Variants in PRKG1 observed in about 807,000 individuals in gnomAD.
PRKG1 encodes cGMP-dependent protein kinase 1.
Under a neutral mutation model 88.1 loss-of-function variants are expected in PRKG1, and 35 were observed. The ratio of observed to expected loss-of-function variants is 0.40; its 90% CI spans 0.30 to 0.53. The LOEUF is 0.53. Ranked by LOEUF, PRKG1 falls within the 20% of genes least tolerant of loss-of-function variation. PRKG1 has a pLI of 0.59. For missense variants in PRKG1, 540 were observed against 839.8 expected (o/e 0.64, Z 4.41); for synonymous variants, 303 against 292.5 (o/e 1.04, Z -0.37).
At chr10:52,061,118 C>G (rs1013171400) in intron 6 of PRKG1, among the ~76,000 whole-genome samples, 1 of 151,958 alleles carries the variant, frequency 6.6e-6, no homozygotes, top group Non-Finnish European at 1.5e-5. Flanking sequence ...AAATTAGTGT[C>G]TCTGTGATAC....
intron 1 of PRKG1, among the ~76,000 whole-genome samples, chr10:51,093,217 C>G (rs1844440391): frequency 6.6e-6 from 1 of 152,134 alleles, no homozygotes; most frequent in African/African-American, 2.4e-5. Context: ...TCTCCAAACT[C>G]TTTGAATCAG....
In PRKG1 at chr10:51,472,481, T is replaced by C. The variant is rs933208594; in HGVS notation, c.592+4645T>C. ...ATCTATATCTCATTCATCCACACTA[T>C]GCTTTTTATTGGTAAAGGAACAAAA... On this transcript the variant is annotated intron_variant, in intron 3 of 17. Transcript: ENST00000373980. 4.6e-5 allele frequency among the ~76,000 whole-genome samples: 7 copies of C among 152,072 alleles called. No homozygotes were observed. The East Asian group carries it at 1.2e-3, about 25-fold the overall frequency.
chr10:51,274,562 G>A (rs1314341465), intron 2 of PRKG1, among the ~76,000 whole-genome samples: 1 of 152,158 alleles, frequency 6.6e-6, no homozygotes, highest in Non-Finnish European at 1.5e-5. Flanking sequence ...ATAGAGTAAT[G>A]CTAGCTCCAA....
At chr10:51,077,330 T>TA (rs1321984938) in intron 1 of PRKG1, among the ~76,000 whole-genome samples, 1 of 152,208 alleles carries the variant, frequency 6.6e-6, no homozygotes, top group African/African-American at 2.4e-5. Context: ...ACATATAGAT[T>TA]ATTGTGAGTT....
rs190177308 is a variant in PRKG1, at chr10:51,171,553, A to G, written c.478+18223A>G. 1.6e-3 allele frequency among the ~76,000 whole-genome samples: 243 copies of G among 152,224 alleles called. 2 individuals carry two copies. The highest frequency in any genetic ancestry group is 2.9e-3 in the Non-Finnish European group (195 of 68,004). On this transcript the variant is annotated intron_variant, in intron 2 of 17. Transcript: ENST00000373980. Reference sequence around the variant, plus strand: ...TATTTATCCTATGGGAAGGGAAGAAAGATAAATGACAGGGCAGATAGCTTC... The same window carrying G: ...TATTTATCCTATGGGAAGGGAAGAAGGATAAATGACAGGGCAGATAGCTTC...
chr10:51,074,733 A>G lies in PRKG1; in HGVS notation c.143A>G (p.Lys48Arg). ...CAGAAGCTGCAGAACGAGCTGGACA[A>G]GTACCGCTCGGTGATCCGACCAGCC... The part of the protein sequence containing the change: ...LIQKLQNELD[K>R]YRSVIRPATQ... Residue 48 changes from lysine (K) to arginine (R), a missense_variant, in exon 1 of 18, where the codon AAG becomes AGG. Lys to Arg is a conservative substitution (Grantham distance 26). Transcript: ENST00000373980. 1 of 1,614,084 alleles carries G rather than the reference A, an allele frequency of 6.2e-7. No individual in the cohort carries two copies. The highest frequency in any genetic ancestry group is 1.1e-5 in the South Asian group (1 of 91,052).
At chr10:51,429,629 T>G (rs1398413936) in intron 2 of PRKG1, among the ~76,000 whole-genome samples, 1 of 152,032 alleles carries the variant, frequency 6.6e-6, no homozygotes, top group Non-Finnish European at 1.5e-5. Context: ...AATATCAATA[T>G]AGACATAAAT....
chr10:52,156,489 G>T (rs1056693938), intron 8 of PRKG1, among the ~76,000 whole-genome samples: 14 of 151,802 alleles, frequency 9.2e-5, no homozygotes, highest in Admixed American at 9.2e-4. Flanking sequence ...ACATATGTGT[G>T]AGTTTGGTTG....
chr10:51,465,756 C>A (rs1050737839), intron 2 of PRKG1, among the ~76,000 whole-genome samples: 1 of 152,114 alleles, frequency 6.6e-6, no homozygotes, highest in African/African-American at 2.4e-5. Context: ...ACCTCTATTA[C>A]CCTATATTGT....
intron 3 of PRKG1, among the ~76,000 whole-genome samples, chr10:51,592,376 G>C (rs1838333267): frequency 2.0e-5 from 3 of 152,126 alleles, no homozygotes; most frequent in Admixed American, 2.0e-4. Context: ...CTTGTTTCTG[G>C]GTGTTTAATT....
rs144544443 is a variant in PRKG1 at position 51,391,162 on chromosome 10, C to T, written c.479-76561C>T. On this transcript the variant is annotated intron_variant, in intron 2 of 17. Transcript: ENST00000373980. Reference sequence around the variant, plus strand: ...CATCCTTGCTCTCTAAGGGTAGAGTCCGAAACAGAACTCTTTTTTCTGCTT... The same window carrying T: ...CATCCTTGCTCTCTAAGGGTAGAGTTCGAAACAGAACTCTTTTTTCTGCTT... 2.0e-3 allele frequency among the ~76,000 whole-genome samples: 306 copies of T among 152,264 alleles called. 3 individuals carry two copies. The highest frequency in any genetic ancestry group is 7.1e-3 in the African/African-American group (293 of 41,548).
chr10:51,492,312 GAAGA>G (rs1446455142), intron 3 of PRKG1, among the ~76,000 whole-genome samples: 1 of 151,976 alleles, frequency 6.6e-6, no homozygotes, highest in African/African-American at 2.4e-5. Context: ...CTTTCTTATT[GAAGA>G]AAGAGCTCTT....
At chr10:51,611,752 G>C (rs1370688206) in intron 3 of PRKG1, among the ~76,000 whole-genome samples, 2 of 151,210 alleles carry the variant, frequency 1.3e-5, no homozygotes, top group Non-Finnish European at 2.9e-5. Context: ...TTTTCCTCTA[G>C]TACTTTTATA....
chr10:51,839,114 T>A (rs1407078818), intron 4 of PRKG1, among the ~76,000 whole-genome samples: 2 of 152,124 alleles, frequency 1.3e-5, no homozygotes, highest in Non-Finnish European at 2.9e-5. Context: ...ACTGCCCCCT[T>A]AGACCATTAC....
chr10:51,245,973 A>G (rs965833062), intron 2 of PRKG1, among the ~76,000 whole-genome samples: 35 of 152,254 alleles, frequency 2.3e-4, no homozygotes, highest in African/African-American at 7.9e-4. Flanking sequence ...GCTTGAGCAA[A>G]TAATTCATAG....
chr10:51,185,049 A>G (rs774614040), intron 2 of PRKG1, among the ~76,000 whole-genome samples: 49 of 152,184 alleles, frequency 3.2e-4, no homozygotes, highest in Non-Finnish European at 5.9e-4. Flanking sequence ...TAATTGTGAC[A>G]TCTCACATCA....
At chr10:51,641,313 C>T (rs528561605) in intron 3 of PRKG1, among the ~76,000 whole-genome samples, 5 of 152,176 alleles carry the variant, frequency 3.3e-5, no homozygotes, top group African/African-American at 1.2e-4. Context: ...CTGCTTCTTG[C>T]GGTTGCAAAT....
intron 3 of PRKG1, among the ~76,000 whole-genome samples, chr10:51,735,840 AG>A (rs1396133875): frequency 1.5e-5 from 2 of 137,062 alleles, no homozygotes; most frequent in Non-Finnish European, 3.1e-5. Flanking sequence ...GATATGGGGC[AG>A]GGGGCCTGAC....
chr10:52,009,971 A>G (rs1844840086), intron 5 of PRKG1, among the ~76,000 whole-genome samples: 1 of 152,074 alleles, frequency 6.6e-6, no homozygotes, highest in Non-Finnish European at 1.5e-5. Context: ...CTAGCCATAT[A>G]TGGAAGATTG....
Sources: gnomAD v4.1 joint callset for allele counts (sites outside exome capture counted in the v4.1 genomes callset) on GRCh38, gnomAD v4.1.1 for gene constraint, MANE v1.5 for transcripts, NCBI Gene and HGNC (gene_info 2026-07-23, HGNC 2026-07-21) for gene names.